Variants in MPDZ observed in about 807,000 individuals in gnomAD.
MPDZ encodes the protein multiple PDZ domain crumbs cell polarity complex component.
In MPDZ, 234 loss-of-function variants were observed where a neutral mutation model predicts 239.1. The observed-to-expected ratio is 0.98, with a 90% CI of 0.88 to 1.09. MPDZ has a LOEUF of 1.09. Ranked by LOEUF, MPDZ falls within the 50% of genes least tolerant of loss-of-function variation. MPDZ has a pLI of 0.00. For synonymous variants in MPDZ, 1,048 were observed against 881.3 expected (o/e 1.19, Z -3.35); for missense variants, 3,175 against 2,510.0 (o/e 1.26, Z -5.66).
rs1947396764 is a variant in MPDZ at position 13,140,005 on chromosome 9, C to G, written c.3985G>C (p.Glu1329Gln). 1.9e-6 allele frequency: 3 copies of G among 1,613,446 alleles called. No homozygotes were observed. The highest frequency in any genetic ancestry group is 2.5e-6 in the Non-Finnish European group (3 of 1,179,640). ...AACTTACTCCAGCTGTAACCAAACT[C>G]ATCCTCTTTGTCCACATCTTGTGAG... ...KISQDVDKED[E>Q]FGYSWKNIRE... Residue 1329 changes from glutamate to glutamine, a missense_variant, in exon 28 of 47, where the codon GAG becomes CAG. Glu to Gln is a conservative substitution (Grantham distance 29). Coordinates refer to ENST00000319217, the MANE Select transcript of MPDZ (RefSeq NM_001378778.1).
chr9:13,205,454 T>C (rs1444672233), intron 11 of MPDZ, among the ~76,000 whole-genome samples: 1 of 152,288 alleles, frequency 6.6e-6, no homozygotes, highest in Non-Finnish European at 1.5e-5. Flanking sequence ...GACATATTCA[T>C]GTACAAACAG....
At chr9:13,149,506 T>A (rs1563908609) in intron 25 of MPDZ, among the ~76,000 whole-genome samples, 2 of 152,090 alleles carry the variant, frequency 1.3e-5, no homozygotes, top group African/African-American at 2.4e-5. Flanking sequence ...CTAGGTCAGG[T>A]ACTCCTTTCT....
intron 39 of MPDZ, among the ~76,000 whole-genome samples, chr9:13,115,950 C>CAA (rs71491603): frequency 0.013 from 505 of 38,990 alleles, 3 homozygotes; most frequent in African/African-American, 0.022. Flanking sequence ...GACTCCACCT[C>CAA]AAAAAAAAAA....
chr9:13,221,644 A>C (rs368808974), intron 6 of MPDZ, 144 bp from the exon 7 acceptor site: 1 of 784,128 alleles, frequency 1.3e-6, no homozygotes, highest in Admixed American at 3.3e-5. Context: ...TGTCCCTTTC[A>C]TTTGGTATAC....
At chr9:13,194,412 T>C (rs1299383063) in intron 13 of MPDZ, among the ~76,000 whole-genome samples, 2 of 152,072 alleles carry the variant, frequency 1.3e-5, no homozygotes, top group African/African-American at 4.8e-5. Context: ...TGGATGAAGC[T>C]AGAAGCCATC....
At position 13,216,840 on chromosome 9, in the gene MPDZ, C is replaced by T; in HGVS notation, c.1224G>A (p.Lys408=). The part of the protein sequence containing the change: ...KKLEPSGIFV[K]SITKSSAVEH... ...CAACGGCACTGCTTTTTGTAATGCT[C>T]TTTACAAAGATTCCTGAAGGTTCTA... is the stretch of plus-strand genomic sequence containing the variant. Residue 408 remains lysine, a synonymous_variant, in exon 10 of 47, where the codon AAG becomes AAA. Coordinates refer to ENST00000319217, the MANE Select transcript of MPDZ (RefSeq NM_001378778.1). 6.2e-7 allele frequency: 1 copy of T among 1,609,720 alleles called. No individual in the cohort carries two copies. The highest frequency in any genetic ancestry group is 1.1e-5 in the South Asian group (1 of 90,806).
chr9:13,242,782 A>G (rs1965736687), intron 3 of MPDZ, among the ~76,000 whole-genome samples: 1 of 152,082 alleles, frequency 6.6e-6, no homozygotes, highest in Non-Finnish European at 1.5e-5. Flanking sequence ...GGGTTTCTCA[A>G]CCTCAGCAAT....
chr9:13,136,017 T>C lies in MPDZ; in HGVS notation c.4383+75A>G, dbSNP rs993177962. The C allele has an allele frequency of 4.3e-5, 42 of 984,704 alleles. No individual in the cohort carries two copies. In the African/African-American group the frequency reaches 5.9e-4, roughly 14 times the overall value. 61.0% of individuals were successfully genotyped at this position (984,704 alleles called of 1,614,324 possible). ...CTCTAATATCCCTCTCTAAGTGTTA[T>C]GTAATTGTTGATTGAATTAATAAGG... is the stretch of plus-strand genomic sequence containing the variant. On this transcript the variant is annotated intron_variant, in intron 31 of 46. Transcript: ENST00000319217.
chr9:13,181,892 A>G (rs1284837335), intron 19 of MPDZ, among the ~76,000 whole-genome samples: 1 of 152,168 alleles, frequency 6.6e-6, no homozygotes, highest in Non-Finnish European at 1.5e-5. Flanking sequence ...TGAGGCCAGT[A>G]AAGACTGAAC....
At chr9:13,269,506 G>C (rs1216294619) in intron 1 of MPDZ, among the ~76,000 whole-genome samples, 1 of 152,068 alleles carries the variant, frequency 6.6e-6, no homozygotes, top group Non-Finnish European at 1.5e-5. Flanking sequence ...TGTACATATA[G>C]AGAGGAGCAT....
At chr9:13,142,553 T>TATAC (rs1947863125) in intron 27 of MPDZ, among the ~76,000 whole-genome samples, 1 of 152,110 alleles carries the variant, frequency 6.6e-6, no homozygotes, top group Non-Finnish European at 1.5e-5. Flanking sequence ...ATGCCATGTA[T>TATAC]GTATACATCA....
intron 1 of MPDZ, among the ~76,000 whole-genome samples, chr9:13,255,539 T>C (rs1482597685): frequency 2.0e-5 from 3 of 152,208 alleles, no homozygotes; most frequent in African/African-American, 7.2e-5. Flanking sequence ...AAGTCAAAAT[T>C]ACTCTGTGGT....
intron 24 of MPDZ, among the ~76,000 whole-genome samples, chr9:13,152,398 G>A (rs1224156187): frequency 6.6e-6 from 1 of 152,092 alleles, no homozygotes; most frequent in Non-Finnish European, 1.5e-5. Context: ...GAATCATGGG[G>A]GCAGGTCTTT....
intron 1 of MPDZ, among the ~76,000 whole-genome samples, chr9:13,266,563 A>AT (rs1313550458): frequency 2.0e-5 from 3 of 152,166 alleles, no homozygotes; most frequent in African/African-American, 7.2e-5. Context: ...ATCAATCTTA[A>AT]TTATTTGAAG....
chr9:13,216,338 C>T (rs1564054327), intron 10 of MPDZ, among the ~76,000 whole-genome samples: 1 of 147,188 alleles, frequency 6.8e-6, no homozygotes, highest in Non-Finnish European at 1.5e-5. Flanking sequence ...GGGCTGAAAG[C>T]AGCCGCGGCC....
Position 13,136,796 on chromosome 9 carries a change from C to T in MPDZ, c.4208G>A (p.Gly1403Asp), listed in dbSNP as rs757860568. The T allele has an allele frequency of 6.3e-7, 1 of 1,585,986 alleles. No individual in the cohort carries two copies. The change falls in exon 30 of 47, where the codon GGT becomes GAT. Residue 1403 changes from glycine to aspartate, a missense_variant. Physicochemically the swap from Gly to Asp is moderately conservative, Grantham distance 94. Transcript: ENST00000319217. ...ATGACTTCTTCCATATAAAATCTGA[C>T]CATTGATCTGTGAGAAATAAATATC... ...QIADELLEINGQILYGRSHQN... is the reference protein window; with the variant it reads ...QIADELLEINDQILYGRSHQN...
chr9:13,225,003 T>A (rs373229418), intron 3 of MPDZ, among the ~76,000 whole-genome samples: 26 of 152,126 alleles, frequency 1.7e-4, no homozygotes, highest in African/African-American at 5.5e-4. Flanking sequence ...CAAGGCCACA[T>A]GATATAAGCC....
intron 21 of MPDZ, among the ~76,000 whole-genome samples, chr9:13,169,857 G>A (rs964954487): frequency 1.3e-5 from 2 of 152,212 alleles, no homozygotes; most frequent in South Asian, 2.1e-4. Context: ...GTCTCTGTCC[G>A]TTTTGAAGTC....
At chr9:13,119,442 T>C in intron 39 of MPDZ, 60 bp downstream of exon 39, 1 of 1,542,298 alleles carries the variant, frequency 6.5e-7, no homozygotes, top group Non-Finnish European at 8.8e-7. Flanking sequence ...GATAGCCCAA[T>C]GTTAAAATTA....
Sources: gnomAD v4.1 joint callset for allele counts (sites outside exome capture counted in the v4.1 genomes callset) on GRCh38, gnomAD v4.1.1 for gene constraint, MANE v1.5 for transcripts, NCBI Gene and HGNC (gene_info 2026-07-23, HGNC 2026-07-21) for gene names.